The following EML4 variants were observed in gnomAD, a reference collection of about 807,000 sequenced individuals.
EML4 encodes echinoderm microtubule-associated protein-like 4.
EML4 carries 72 observed loss-of-function variants against 129.0 expected under a neutral mutation model. The ratio of observed to expected loss-of-function variants is 0.56; its 90% CI spans 0.46 to 0.68. The LOEUF (loss-of-function observed/expected upper bound fraction) is 0.68, where lower values mean the gene tolerates loss of function less well. Ranked by LOEUF, EML4 falls within the 30% of genes least tolerant of loss-of-function variation. The pLI is 0.00. For missense variants in EML4, 1,363 were observed against 1,190.6 expected (o/e 1.14, Z -2.13); for synonymous variants, 532 against 405.0 (o/e 1.31, Z -3.77).
intron 1 of EML4, among the ~76,000 whole-genome samples, chr2:42,196,716 A>G (rs1382054052): frequency 6.6e-6 from 1 of 152,234 alleles, no homozygotes; most frequent in Non-Finnish European, 1.5e-5. Context: ...TGTTAAAAAT[A>G]AGGTCCAAGG....
chr2:42,276,735 G>A (rs1250664862), intron 6 of EML4, among the ~76,000 whole-genome samples: 1 of 152,158 alleles, frequency 6.6e-6, no homozygotes, highest in Non-Finnish European at 1.5e-5. Context: ...AGAAAACGAA[G>A]CCAGTCTTGC....
Position 42,284,703 on chromosome 2 carries a change from G to T in EML4, c.1011G>T (p.Arg337Ser). 1 of 1,611,588 alleles carries T rather than the reference G, an allele frequency of 6.2e-7. No individual in the cohort carries two copies. Among genetic ancestry groups the T allele is most frequent in the Non-Finnish European group, 8.5e-7 (1 of 1,178,490 alleles). The stretch of plus-strand genomic sequence containing the variant: ...TAGCTGGCGTGGATAAAGATGGAAG[G>T]GTGAGTGGCATAGTGTTATGCCTTC... ...GQIAGVDKDG[R>S]PLQPHVRVWD... The change falls in exon 9 of 23, where the codon AGG becomes AGT. Residue 337 changes from arginine (R) to serine (S), a missense_variant and splice_region_variant. Coordinates refer to ENST00000318522, the MANE Select transcript of EML4 (RefSeq NM_019063.5).
At chr2:42,248,756 G>T (rs1403059334) in intron 2 of EML4, among the ~76,000 whole-genome samples, 1 of 151,950 alleles carries the variant, frequency 6.6e-6, no homozygotes, top group South Asian at 2.1e-4. Context: ...ATGCTAAGAT[G>T]GTTCATTCTT....
At chr2:42,305,449 T>A (rs1668543967) in intron 17 of EML4, among the ~76,000 whole-genome samples, 1 of 152,326 alleles carries the variant, frequency 6.6e-6, no homozygotes, top group Non-Finnish European at 1.5e-5. Context: ...TCATCTTTTA[T>A]GCAGGGGAAG....
chr2:42,291,520 C>T (rs1438968635), intron 11 of EML4, among the ~76,000 whole-genome samples: 2 of 151,348 alleles, frequency 1.3e-5, no homozygotes, highest in Non-Finnish European at 2.9e-5. Context: ...TCTTCCGCCT[C>T]AGCTTCCTGA....
Position 42,281,012 on chromosome 2 carries a change from G to A in EML4, c.791+39G>A, listed in dbSNP as rs114177525. 1.9e-4 allele frequency: 286 copies of A among 1,493,488 alleles called. 3 individuals carry two copies. The South Asian group carries it at 3.5e-3, about 18-fold the overall frequency. The allele number at this position is 1,493,488 out of a possible 1,614,324, so 92.5% of individuals were successfully genotyped here. ...CCATGACAGCAAATTCATTTGCTTTGTCTCTAGTTAACAAATCAGTTAACG... is the reference window on the plus strand; with the variant it reads ...CCATGACAGCAAATTCATTTGCTTTATCTCTAGTTAACAAATCAGTTAACG... On this transcript the variant is annotated intron_variant, in intron 7 of 22. Coordinates refer to ENST00000318522, the MANE Select transcript of EML4 (RefSeq NM_019063.5).
In EML4 at chr2:42,301,278, T is replaced by C. The variant is rs1014835256; in HGVS notation, c.1527T>C (p.Asp509=). The change falls in exon 14 of 23, where the codon GAT becomes GAC. Residue 509 remains aspartate (D), a synonymous_variant. Coordinates refer to ENST00000318522, the MANE Select transcript of EML4 (RefSeq NM_019063.5). ...TCAGCAAACAAATCAAAGCTCATGA[T>C]GGCAGTGTGTTCACACTTTGTCAGA... ...YQISKQIKAH[D]GSVFTLCQMR... 4 of 1,613,054 alleles carry C rather than the reference T, an allele frequency of 2.5e-6. No homozygotes were observed. The highest frequency in any genetic ancestry group is 1.7e-5 in the Admixed American group (1 of 59,842).
At chr2:42,318,686 A>AC (rs921394427) in intron 19 of EML4, among the ~76,000 whole-genome samples, 12 of 90,728 alleles carry the variant, frequency 1.3e-4, no homozygotes, top group African/African-American at 7.8e-4. Context: ...ACCCTACCAG[A>AC]CCCCCAATTT....
chr2:42,292,187 T>C (rs1167280147), intron 11 of EML4, among the ~76,000 whole-genome samples: 1 of 152,224 alleles, frequency 6.6e-6, no homozygotes, highest in Non-Finnish European at 1.5e-5. Flanking sequence ...ACTTTGTGAA[T>C]TGTTCCTTAG....
chr2:42,308,983 G>T (rs1452515402), intron 17 of EML4, among the ~76,000 whole-genome samples: 2 of 152,132 alleles, frequency 1.3e-5, no homozygotes, highest in Admixed American at 6.6e-5. Flanking sequence ...GGACATAGGG[G>T]TTATTTCCAC....
intron 9 of EML4, among the ~76,000 whole-genome samples, chr2:42,285,149 T>A (rs1667220119): frequency 6.6e-6 from 1 of 152,106 alleles, no homozygotes; most frequent in Non-Finnish European, 1.5e-5. Context: ...GCTCAAGTGA[T>A]CCTCCAGCCT....
chr2:42,264,193 A>G (rs914372542), intron 5 of EML4, among the ~76,000 whole-genome samples: 43 of 139,584 alleles, frequency 3.1e-4, no homozygotes, highest in Non-Finnish European at 3.0e-5. Context: ...GTCTTACTGC[A>G]GCCTTCACCT....
intron 1 of EML4, among the ~76,000 whole-genome samples, chr2:42,202,081 TC>T: frequency 1.4e-5 from 2 of 140,632 alleles, no homozygotes; most frequent in African/African-American, 5.8e-5. Flanking sequence ...AGACTCTGTC[TC>T]AAAAAAAAAA....
intron 3 of EML4, among the ~76,000 whole-genome samples, chr2:42,259,483 A>G (rs1025183410): frequency 5.3e-5 from 8 of 152,264 alleles, no homozygotes; most frequent in Admixed American, 3.3e-4. Flanking sequence ...ATATTTTAAC[A>G]TAAGATACAT....
At chr2:42,190,124 T>G (rs1284166962) in intron 1 of EML4, among the ~76,000 whole-genome samples, 1 of 152,166 alleles carries the variant, frequency 6.6e-6, no homozygotes, top group Non-Finnish European at 1.5e-5. Context: ...TTGAGAAAAT[T>G]ATTTTAAGAA....
chr2:42,302,199 C>T (rs62142596), intron 14 of EML4, among the ~76,000 whole-genome samples: 30,589 of 151,930 alleles, frequency 0.2, 3,939 homozygotes, highest in African/African-American at 0.37. Context: ...AGAGAACTTC[C>T]ACATTACATT....
chr2:42,304,491 G>T lies in EML4; in HGVS notation c.1907G>T (p.Gly636Val). 6.2e-7 allele frequency: 1 copy of T among 1,613,968 alleles called. No individual in the cohort carries two copies. The highest frequency in any genetic ancestry group is 1.7e-5 in the Admixed American group (1 of 59,996). The change falls in exon 17 of 23, where the codon GGA (glycine) becomes GTA (valine). Residue 636 changes from glycine (G) to valine (V), a missense_variant. Gly to Val is a moderately radical substitution (Grantham distance 109). Coordinates refer to ENST00000318522, the MANE Select transcript of EML4 (RefSeq NM_019063.5). ...TGTCTGTCTCTTTTCTAGGAACCAG[G>T]ACACTGTGCAGATTTTCATCCAAGT... is the stretch of plus-strand genomic sequence containing the variant. ...LEWTRLVDEP[G>V]HCADFHPSGT...
intron 1 of EML4, among the ~76,000 whole-genome samples, chr2:42,173,745 G>A (rs938444535): frequency 6.6e-6 from 1 of 152,192 alleles, no homozygotes; most frequent in African/African-American, 2.4e-5. Flanking sequence ...TTGGGAGGCT[G>A]AGGCAGGAGG....
intron 3 of EML4, 85 bp from the exon 4 acceptor site, chr2:42,261,036 A>T: frequency 3.8e-6 from 4 of 1,040,082 alleles, no homozygotes; most frequent in Non-Finnish European, 5.6e-6. Flanking sequence ...AGGGTTTTGA[A>T]TTATATAATA....
Sources: gnomAD v4.1 joint callset for allele counts (sites outside exome capture counted in the v4.1 genomes callset) on GRCh38, gnomAD v4.1.1 for gene constraint, MANE v1.5 for transcripts, NCBI Gene and HGNC (gene_info 2026-07-23, HGNC 2026-07-21) for gene names.